Variants in PTH1R observed in about 807,000 individuals in gnomAD.
PTH1R encodes the protein parathyroid hormone/parathyroid hormone-related peptide receptor.
A neutral mutation model predicts 70.7 loss-of-function variants in PTH1R; 32 were observed. That is an observed-to-expected ratio of 0.45 (90% CI 0.34 to 0.61). PTH1R has a LOEUF of 0.61. Among genes scored for constraint, PTH1R ranks in the 20% least tolerant of loss-of-function variants. The probability of loss-of-function intolerance (pLI) is 0.01; values close to 1 mark genes in which losing one functional copy is unlikely to be tolerated. For missense variants in PTH1R, 626 were observed against 792.5 expected (o/e 0.79, Z 2.52); for synonymous variants, 329 against 324.8 (o/e 1.01, Z -0.14).
chr3:46,898,290 C>T, intron 7 of PTH1R, 88 bp from the exon 8 acceptor site: 1 of 1,570,978 alleles, frequency 6.4e-7, no homozygotes, highest in South Asian at 1.1e-5. Flanking sequence ...TTGACTCCTC[C>T]AGCAACCTTA....
chr3:46,898,536 T>C, intron 8 of PTH1R, 64 bp downstream of exon 8: 1 of 1,602,818 alleles, frequency 6.2e-7, no homozygotes, highest in Non-Finnish European at 8.5e-7. Context: ...CGAGGTCTGA[T>C]GCGACCCCCT....
intron 3 of PTH1R, among the ~76,000 whole-genome samples, chr3:46,885,565 AG>A (rs1226507510): frequency 4.6e-5 from 7 of 152,140 alleles, no homozygotes. Context: ...ACTGCTCTCC[AG>A]GGAAGCTGAG....
At chr3:46,899,206 C>A in intron 9 of PTH1R, 97 bp from the exon 10 acceptor site, 1 of 1,542,820 alleles carries the variant, frequency 6.5e-7, no homozygotes. Flanking sequence ...GTTTGGCCGG[C>A]ACCACTTGTC....
intron 5 of PTH1R, 146 bp from the exon 6 acceptor site, chr3:46,897,709 C>G (rs897610287): frequency 1.2e-5 from 9 of 763,304 alleles, no homozygotes; most frequent in African/African-American, 1.7e-5. Flanking sequence ...CCAGCCTGAG[C>G]AACAAAAGCG....
intron 3 of PTH1R, among the ~76,000 whole-genome samples, chr3:46,886,590 C>T (rs2031046940): frequency 6.6e-6 from 1 of 152,176 alleles, no homozygotes; most frequent in Non-Finnish European, 1.5e-5. Flanking sequence ...ATCTCCTGAC[C>T]TCGTGATCCG....
chr3:46,890,373 T>C (rs1233416982), intron 3 of PTH1R, among the ~76,000 whole-genome samples: 1 of 152,134 alleles, frequency 6.6e-6, no homozygotes, highest in Non-Finnish European at 1.5e-5. Flanking sequence ...GGGGTGCACA[T>C]GGCGGGGATG....
At chr3:46,889,427 T>C (rs951720084) in intron 3 of PTH1R, among the ~76,000 whole-genome samples, 2 of 152,118 alleles carry the variant, frequency 1.3e-5, no homozygotes, top group Non-Finnish European at 2.9e-5. Flanking sequence ...GGTGCCAGGG[T>C]ACCCGTGTGG....
intron 1 of PTH1R, chr3:46,880,117 T>C (rs2030461738): frequency 1.3e-5 from 2 of 152,232 alleles, no homozygotes; most frequent in Non-Finnish European, 2.9e-5. Flanking sequence ...TAGGTGCCCA[T>C]TCTGGCACCT....
rs200817639 is a variant in PTH1R, at chr3:46,898,685, A to G, written c.662A>G (p.Tyr221Cys). ...AGGCGGCTGCACTGCACGCGCAACTACATCCACATGCACCTGTTCCTGTCC... is the reference window on the plus strand; with the variant it reads ...AGGCGGCTGCACTGCACGCGCAACTGCATCCACATGCACCTGTTCCTGTCC... Reference protein sequence around the residue: ...YFRRLHCTRNYIHMHLFLSFM... With the variant: ...YFRRLHCTRNCIHMHLFLSFM... The change falls in exon 9 of 16, where the codon TAC becomes TGC. Residue 221 changes from tyrosine to cysteine, a missense_variant. Physicochemically the swap from Tyr to Cys is radical, Grantham distance 194 (BLOSUM62 -2). Around this residue, in one of 3 missense-constraint regions of PTH1R, gnomAD observed 495 missense variants for 638.7 expected, o/e 0.77. Coordinates refer to ENST00000449590, the MANE Select transcript of PTH1R (RefSeq NM_000316.3). 2.4e-5 allele frequency: 38 copies of G among 1,612,380 alleles called. No individual in the cohort carries two copies. The highest frequency in any genetic ancestry group is 3.3e-5 in the Admixed American group (2 of 59,986).
In PTH1R at chr3:46,892,073, T is replaced by A. The variant is rs961473333; in HGVS notation, c.76-1834T>A. On this transcript the variant is annotated intron_variant, in intron 3 of 15. Coordinates refer to ENST00000449590, the MANE Select transcript of PTH1R (RefSeq NM_000316.3). The surrounding 1 kb of genome is among the most constrained non-coding windows in gnomAD (Gnocchi z 5.2). ...GTCCAACTTGTCCTCCCTTAAGCCA[T>A]CCCATCATTCTGTGTCTACCTCTGC... 6.6e-6 allele frequency among the ~76,000 whole-genome samples: 1 copy of A among 151,964 alleles called. No individual in the cohort carries two copies. The highest frequency in any genetic ancestry group is 1.5e-5 in the Non-Finnish European group (1 of 67,976).
intron 5 of PTH1R, among the ~76,000 whole-genome samples, chr3:46,897,583 T>C (rs1418850918): frequency 1.3e-5 from 2 of 151,492 alleles, no homozygotes; most frequent in African/African-American, 2.4e-5. Flanking sequence ...AATACAAAAT[T>C]AGCCAGGCAT....
chr3:46,879,120 C>T lies in PTH1R; in HGVS notation c.-106+1277C>T, dbSNP rs1348884715. Among the ~76,000 whole-genome samples the T allele has an allele frequency of 2.6e-5, 4 of 152,162 alleles. No individual in the cohort carries two copies. Among genetic ancestry groups the T allele is most frequent in the South Asian group, 2.1e-4 (1 of 4,824 alleles). On this transcript the variant is annotated intron_variant, in intron 1 of 15. Coordinates refer to ENST00000449590, the MANE Select transcript of PTH1R (RefSeq NM_000316.3). This position sits in a 1 kb window ranked among gnomAD's most constrained non-coding sequence, Gnocchi z 4.7. ...GTGAGAGAGATGATCTGTGGCCCCA[C>T]CCACAGCTGTGGAATGTCCAGCAGG... is the stretch of plus-strand genomic sequence containing the variant.
intron 3 of PTH1R, among the ~76,000 whole-genome samples, chr3:46,887,456 G>GAA (rs771034289): frequency 4.4e-4 from 28 of 63,590 alleles, no homozygotes; most frequent in South Asian, 5.6e-4. Context: ...CCCTGTCTCT[G>GAA]AAAAAAAAAA....
chr3:46,890,796 G>A (rs992609103), intron 3 of PTH1R, among the ~76,000 whole-genome samples: 8 of 152,216 alleles, frequency 5.3e-5, no homozygotes, highest in South Asian at 2.1e-4. Flanking sequence ...CCACCGTGCC[G>A]GGCCAACAAC....
At chr3:46,895,653 G>A in intron 4 of PTH1R, 82 bp from the exon 5 acceptor site, 4 of 1,607,226 alleles carry the variant, frequency 2.5e-6, no homozygotes, top group South Asian at 1.1e-5. Flanking sequence ...TTGTACAAAG[G>A]GGGAGTCTGA....
chr3:46,897,829 C>T (rs1575520757), intron 5 of PTH1R, 26 bp from the exon 6 acceptor site: 5 of 1,602,732 alleles, frequency 3.1e-6, no homozygotes, highest in East Asian at 2.2e-5. Flanking sequence ...CTTGGTATCC[C>T]CTACCCTGTC....
chr3:46,901,750 C>A lies in PTH1R; in HGVS notation c.1117-16C>A. On this transcript the variant is annotated splice_polypyrimidine_tract_variant and intron_variant, in intron 12 of 15. Coordinates refer to ENST00000449590, the MANE Select transcript of PTH1R (RefSeq NM_000316.3). This position sits in a 1 kb window ranked among gnomAD's most constrained non-coding sequence, Gnocchi z 7.3. The stretch of plus-strand genomic sequence containing the variant: ...CTAGGGTGCAGCCTCCAGACGCAGC[C>A]CCCTCACTCCCACAGCTCAACTTCA... 6.2e-7 allele frequency: 1 copy of A among 1,610,178 alleles called. No homozygotes were observed. The highest frequency in any genetic ancestry group is 1.1e-5 in the South Asian group (1 of 91,002).
Position 46,898,158 on chromosome 3 carries a change from G to A in PTH1R, c.509G>A (p.Cys170Tyr). The stretch of plus-strand genomic sequence containing the variant: ...AGGACGTGGGCCAACTACAGCGAGT[G>A]TGTCAAATTTCTCACCAATGAGACT... ...HNRTWANYSE[C>Y]VKFLTNETRE... Residue 170 changes from cysteine (C) to tyrosine (Y), a missense_variant, in exon 7 of 16, where the codon TGT (cysteine) becomes TAT (tyrosine). This residue lies in a region of PTH1R where 495 missense variants were observed against 638.7 expected (regional missense o/e 0.77). Coordinates refer to ENST00000449590, the MANE Select transcript of PTH1R (RefSeq NM_000316.3). 6.2e-7 allele frequency: 1 copy of A among 1,614,210 alleles called. No homozygotes were observed. Among genetic ancestry groups the A allele is most frequent in the Non-Finnish European group, 8.5e-7 (1 of 1,180,024 alleles).
intron 3 of PTH1R, among the ~76,000 whole-genome samples, chr3:46,890,620 G>A (rs2031361824): frequency 6.7e-6 from 1 of 150,056 alleles, no homozygotes; most frequent in Non-Finnish European, 1.5e-5. Flanking sequence ...CTGCTGCCTC[G>A]GCCTCCCGAG....
Sources: gnomAD v4.1 joint callset for allele counts (sites outside exome capture counted in the v4.1 genomes callset) on GRCh38, gnomAD v4.1.1 for gene constraint, gnomAD v4.1.1 regional missense constraint, Gnocchi (gnomAD v3.1) non-coding constraint, MANE v1.5 for transcripts, NCBI Gene and HGNC (gene_info 2026-07-23, HGNC 2026-07-21) for gene names.